The following ANKRD29 variants were observed in gnomAD, a reference collection of about 807,000 sequenced individuals.
ANKRD29 encodes the protein ankyrin repeat domain 29.
A neutral mutation model predicts 38.0 loss-of-function variants in ANKRD29; 32 were observed. The ratio of observed to expected loss-of-function variants is 0.84; its 90% CI spans 0.64 to 1.13. The LOEUF (loss-of-function observed/expected upper bound fraction) is 1.13. Ranked by LOEUF, ANKRD29 falls within the 50% of genes most tolerant of loss-of-function variation. The pLI, the probability that ANKRD29 is intolerant of heterozygous loss-of-function variation, is 0.00. For synonymous variants in ANKRD29, 135 were observed against 152.4 expected (o/e 0.89, Z 0.84); for missense variants, 357 against 377.9 (o/e 0.94, Z 0.46).
intron 6 of ANKRD29, among the ~76,000 whole-genome samples, chr18:23,623,861 T>A (rs2059826534): frequency 6.6e-6 from 1 of 151,840 alleles, no homozygotes; most frequent in Non-Finnish European, 1.5e-5. Flanking sequence ...GGCAGGTTGG[T>A]CTCGATCTCC....
chr18:23,611,776 G>A lies in ANKRD29; in HGVS notation c.822+316C>T, dbSNP rs114596793. Among the ~76,000 whole-genome samples, 1,071 of 152,094 alleles carry A rather than the reference G, an allele frequency of 7.0e-3. 8 individuals are homozygous for A. Among genetic ancestry groups the A allele is most frequent in the African/African-American group, 0.024 (993 of 41,504 alleles). On this transcript the variant is annotated intron_variant, in intron 9 of 9. Transcript: ENST00000592179. Reference sequence around the variant, plus strand: ...GGTGCTAAACCATTTGTAAATGACCGGCTTCTGGGTCAGGGTTTCGTACAT... The same window carrying A: ...GGTGCTAAACCATTTGTAAATGACCAGCTTCTGGGTCAGGGTTTCGTACAT...
At chr18:23,652,838 G>C (rs921390582) in intron 1 of ANKRD29, among the ~76,000 whole-genome samples, 4 of 152,194 alleles carry the variant, frequency 2.6e-5, no homozygotes, top group Non-Finnish European at 5.9e-5. Flanking sequence ...CTCTGTATCA[G>C]GCAGTGTGCT....
Position 23,617,727 on chromosome 18 carries a change from C to G in ANKRD29, c.723+5G>C. The G allele has an allele frequency of 6.2e-7, 1 of 1,611,354 alleles. No individual in the cohort carries two copies. The highest frequency in any genetic ancestry group is 8.5e-7 in the Non-Finnish European group (1 of 1,177,598). ...AGATTAGTAAAATTTATCTTTAGGT[C>G]TTACCTTCAAAATACCAAGAGTGGG... On this transcript the variant is annotated splice_donor_5th_base_variant and intron_variant, in intron 8 of 9. Coordinates refer to ENST00000592179, the MANE Select transcript of ANKRD29 (RefSeq NM_173505.4).
At chr18:23,628,867 A>G (rs546724205) in intron 6 of ANKRD29, among the ~76,000 whole-genome samples, 4 of 152,082 alleles carry the variant, frequency 2.6e-5, no homozygotes, top group Non-Finnish European at 5.9e-5. Context: ...ATCTGGACAA[A>G]AATAGTACCT....
chr18:23,641,832 T>A (rs1167144482), intron 3 of ANKRD29, among the ~76,000 whole-genome samples: 1 of 151,854 alleles, frequency 6.6e-6, no homozygotes, highest in Non-Finnish European at 1.5e-5. Flanking sequence ...GACACAGAGG[T>A]CAGGACTACC....
At chr18:23,659,353 A>G (rs1239758829) in intron 1 of ANKRD29, among the ~76,000 whole-genome samples, 1 of 152,148 alleles carries the variant, frequency 6.6e-6, no homozygotes. Flanking sequence ...TACTATTGCT[A>G]TGGATCTTTA....
At chr18:23,632,891 TCAGGGTTAA>T (rs1435655374) in intron 5 of ANKRD29, among the ~76,000 whole-genome samples, 1 of 152,136 alleles carries the variant, frequency 6.6e-6, no homozygotes, top group Non-Finnish European at 1.5e-5. Flanking sequence ...CTGTGATTTG[TCAGGGTTAA>T]CCATGTAAAC....
intron 3 of ANKRD29, among the ~76,000 whole-genome samples, chr18:23,642,968 C>G (rs1225795346): frequency 6.6e-6 from 1 of 152,180 alleles, no homozygotes; most frequent in Non-Finnish European, 1.5e-5. Context: ...ATAAAACAAA[C>G]TCACATACTT....
Position 23,599,247 on chromosome 18 carries a change from C to T in ANKRD29, c.*1979G>A, listed in dbSNP as rs2059486386. ...GATCCTTCTAAGCTAGACACCTCTTCCCTACAGTAAGAAGGCCTCCATATT... is the reference window on the plus strand; with the variant it reads ...GATCCTTCTAAGCTAGACACCTCTTTCCTACAGTAAGAAGGCCTCCATATT... On this transcript the variant is annotated 3_prime_UTR_variant, in exon 10 of 10. Coordinates refer to ENST00000592179, the MANE Select transcript of ANKRD29 (RefSeq NM_173505.4). 6.6e-6 allele frequency: 1 copy of T among 152,204 alleles called. No homozygotes were observed. Among genetic ancestry groups the T allele is most frequent in the Non-Finnish European group, 1.5e-5 (1 of 68,032 alleles). 9.4% of individuals were successfully genotyped at this position (152,204 alleles called of 1,614,324 possible).
At chr18:23,654,881 A>T (rs1219534853) in intron 1 of ANKRD29, among the ~76,000 whole-genome samples, 1 of 152,190 alleles carries the variant, frequency 6.6e-6, no homozygotes, top group Non-Finnish European at 1.5e-5. Flanking sequence ...ATTCTAATTA[A>T]AAGCTAAGAG....
intron 1 of ANKRD29, among the ~76,000 whole-genome samples, chr18:23,661,383 C>A (rs558602395): frequency 6.6e-6 from 1 of 152,306 alleles, no homozygotes; most frequent in South Asian, 2.1e-4. Flanking sequence ...ATCTCTCTTG[C>A]CTTCCCTACT....
chr18:23,661,677 C>A (rs1388624645), intron 1 of ANKRD29, among the ~76,000 whole-genome samples: 2 of 152,186 alleles, frequency 1.3e-5, no homozygotes, highest in African/African-American at 4.8e-5. Context: ...CCATTGCACT[C>A]CAGCCTGGGC....
At chr18:23,644,056 A>G (rs1013581562) in intron 3 of ANKRD29, among the ~76,000 whole-genome samples, 6 of 152,180 alleles carry the variant, frequency 3.9e-5, no homozygotes, top group Non-Finnish European at 7.4e-5. Context: ...TAGCACCATC[A>G]TTTGAGCCAC....
chr18:23,662,650 C>A, intron 1 of ANKRD29, 60 bp downstream of exon 1: 1 of 1,203,426 alleles, frequency 8.3e-7, no homozygotes, highest in Non-Finnish European at 1.1e-6. Context: ...CCACCCGACC[C>A]CGCGGGCCCG....
chr18:23,628,560 G>A (rs890505308), intron 6 of ANKRD29, among the ~76,000 whole-genome samples: 1 of 152,152 alleles, frequency 6.6e-6, no homozygotes, highest in African/African-American at 2.4e-5. Context: ...CTGGTGCCAG[G>A]CATGGTGGCT....
intron 4 of ANKRD29, among the ~76,000 whole-genome samples, chr18:23,635,704 A>G (rs1308778899): frequency 6.6e-6 from 1 of 152,254 alleles, no homozygotes; most frequent in Admixed American, 6.5e-5. Context: ...TGCCTTCAGT[A>G]GGTCTGGGGT....
rs771538961 is a variant in ANKRD29 at position 23,601,134 on chromosome 18, T to G, written c.*92A>C. 6.6e-5 allele frequency: 78 copies of G among 1,189,060 alleles called. No homozygotes were observed. The highest frequency in any genetic ancestry group is 3.1e-4 in the Admixed American group (14 of 45,182). 73.7% of individuals were successfully genotyped at this position (1,189,060 alleles called of 1,614,324 possible). On this transcript the variant is annotated 3_prime_UTR_variant, in exon 10 of 10. Transcript: ENST00000592179. Reference sequence around the variant, plus strand: ...TGGGCATTCTGGGCATCTTTTTTTTTCATAAAAGAATTTCCAACACTGCTT... The same window carrying G: ...TGGGCATTCTGGGCATCTTTTTTTTGCATAAAAGAATTTCCAACACTGCTT...
At chr18:23,643,612 C>T (rs765058419) in intron 3 of ANKRD29, among the ~76,000 whole-genome samples, 23 of 152,220 alleles carry the variant, frequency 1.5e-4, no homozygotes, top group Non-Finnish European at 3.2e-4. Flanking sequence ...TAAATAGGAG[C>T]TATACCTTAG....
chr18:23,617,932 G>A (rs1193385646), intron 7 of ANKRD29, 105 bp from the exon 8 acceptor site: 8 of 825,096 alleles, frequency 9.7e-6, no homozygotes, highest in South Asian at 6.2e-5. Context: ...AACTAATGAC[G>A]TGTAAATTAA....
Sources: gnomAD v4.1 joint callset for allele counts (sites outside exome capture counted in the v4.1 genomes callset) on GRCh38, gnomAD v4.1.1 for gene constraint, MANE v1.5 for transcripts, NCBI Gene and HGNC (gene_info 2026-07-23, HGNC 2026-07-21) for gene names.